Variants in PLEKHA2 observed in about 807,000 individuals in gnomAD.
The protein encoded by PLEKHA2 is pleckstrin homology domain containing A2, also known as pleckstrin homology domain-containing family A member 2.
Under a neutral mutation model 53.2 loss-of-function variants are expected in PLEKHA2, and 28 were observed. The ratio of observed to expected loss-of-function variants is 0.53; its 90% CI spans 0.39 to 0.72. The LOEUF is 0.72. Ranked by LOEUF, PLEKHA2 falls within the 30% of genes least tolerant of loss-of-function variation. PLEKHA2 has a pLI of 0.00. For synonymous variants in PLEKHA2, 193 were observed against 196.4 expected (o/e 0.98, Z 0.14); for missense variants, 426 against 537.9 (o/e 0.79, Z 2.06).
intron 10 of PLEKHA2, among the ~76,000 whole-genome samples, chr8:38,967,294 A>T (rs561078173): frequency 9.3e-4 from 142 of 152,306 alleles, no homozygotes; most frequent in African/African-American, 3.3e-3. Context: ...TCTTTAAAAA[A>T]TTTTTAAAGT....
chr8:38,938,818 T>A (rs1353992241), intron 3 of PLEKHA2, among the ~76,000 whole-genome samples: 2 of 152,132 alleles, frequency 1.3e-5, no homozygotes, highest in Non-Finnish European at 2.9e-5. Context: ...CTCACCCGCC[T>A]GCAGCCACGC....
chr8:38,925,435 A>C (rs1564117351), intron 2 of PLEKHA2, among the ~76,000 whole-genome samples: 1 of 152,232 alleles, frequency 6.6e-6, no homozygotes, highest in Non-Finnish European at 1.5e-5. Context: ...AGTAAACAGA[A>C]GCGTGAAACA....
At chr8:38,919,653 C>T (rs1283294243) in intron 2 of PLEKHA2, among the ~76,000 whole-genome samples, 5 of 152,208 alleles carry the variant, frequency 3.3e-5, no homozygotes, top group Non-Finnish European at 7.3e-5. Flanking sequence ...ATCTAGTGAT[C>T]TTGGGCATTT....
chr8:38,933,177 G>C (rs1037261750), intron 2 of PLEKHA2, among the ~76,000 whole-genome samples: 1 of 152,174 alleles, frequency 6.6e-6, no homozygotes, highest in Non-Finnish European at 1.5e-5. Flanking sequence ...GGGGTGAGGA[G>C]AGTGTGTTGT....
intron 10 of PLEKHA2, among the ~76,000 whole-genome samples, chr8:38,960,440 C>G (rs1035458497): frequency 6.6e-6 from 1 of 152,108 alleles, no homozygotes; most frequent in African/African-American, 2.4e-5. Context: ...GATCTCGCCA[C>G]TGCACTCCGG....
chr8:38,944,351 C>T (rs751181132), intron 4 of PLEKHA2, among the ~76,000 whole-genome samples: 32 of 151,912 alleles, frequency 2.1e-4, no homozygotes, highest in Non-Finnish European at 4.0e-4. Flanking sequence ...CCCATCTCTA[C>T]TAAAAATACA....
chr8:38,955,637 C>T (rs925055046), intron 9 of PLEKHA2, among the ~76,000 whole-genome samples: 12 of 152,340 alleles, frequency 7.9e-5, no homozygotes, highest in Admixed American at 6.5e-4. Context: ...GTTGTTCTTG[C>T]TCATGGATCT....
chr8:38,932,942 C>T (rs1834420872), intron 2 of PLEKHA2, among the ~76,000 whole-genome samples: 1 of 152,084 alleles, frequency 6.6e-6, no homozygotes, highest in African/African-American at 2.4e-5. Context: ...GGTCCCTGGG[C>T]CTGGAGAGTG....
chr8:38,965,742 C>T lies in PLEKHA2; in HGVS notation c.838-2850C>T, dbSNP rs111451914. On this transcript the variant is annotated intron_variant, in intron 10 of 11. Transcript: ENST00000617275. ...AGGTCTTCTTATGGAGAGGGCAATG[C>T]GCTTATCTGTAAATGGTGGCGTTTA... Among the ~76,000 whole-genome samples the T allele has an allele frequency of 3.4e-4, 51 of 152,166 alleles. 1 individual carries two copies. The highest frequency in any genetic ancestry group is 8.4e-4 in the African/African-American group (35 of 41,522).
intron 1 of PLEKHA2, among the ~76,000 whole-genome samples, chr8:38,903,297 G>T (rs1833821234): frequency 6.6e-6 from 1 of 152,234 alleles, no homozygotes; most frequent in South Asian, 2.1e-4. Context: ...GGTAATGGGA[G>T]CCTTGCTCAT....
chr8:38,954,959 G>A (rs539246466), intron 9 of PLEKHA2, among the ~76,000 whole-genome samples: 11 of 152,248 alleles, frequency 7.2e-5, no homozygotes, highest in South Asian at 2.1e-4. Context: ...GCTTGAACCC[G>A]GGAGGCGGAG....
chr8:38,918,013 G>A lies in PLEKHA2; in HGVS notation c.84G>A (p.Arg28=). The A allele has an allele frequency of 1.2e-6, 2 of 1,613,598 alleles. No individual in the cohort carries two copies. The highest frequency in any genetic ancestry group is 8.5e-7 in the Non-Finnish European group (1 of 1,179,686). The part of the protein sequence containing the change: ...EHENSGKFLR[R]YFILDTQANC... ...AGAACAGCGGCAAGTTTCTGCGGAG[G>A]TACTTCATTCTGGACACCCAGGCTA... Residue 28 remains arginine (R), a synonymous_variant, in exon 2 of 12, where the codon AGG becomes AGA. Coordinates refer to ENST00000617275, the MANE Select transcript of PLEKHA2 (RefSeq NM_021623.2).
chr8:38,922,645 C>T lies in PLEKHA2; in HGVS notation c.141+4575C>T, dbSNP rs766869223. Among the ~76,000 whole-genome samples, 2 of 152,294 alleles carry T rather than the reference C, an allele frequency of 1.3e-5. No homozygotes were observed. Among genetic ancestry groups the T allele is most frequent in the Middle Eastern group, 3.4e-3 (1 of 294 alleles). On this transcript the variant is annotated intron_variant, in intron 2 of 11. Coordinates refer to ENST00000617275, the MANE Select transcript of PLEKHA2 (RefSeq NM_021623.2). This position sits in a 1 kb window ranked among gnomAD's most constrained non-coding sequence, Gnocchi z 4.0. ...CAGAAGATTTTTGGACCCAGGTCTC[C>T]GATCTTTGTGTGTTGAAGCCACCTG...
chr8:38,935,117 G>A (rs1008224171), intron 2 of PLEKHA2, among the ~76,000 whole-genome samples: 3 of 152,102 alleles, frequency 2.0e-5, no homozygotes, highest in East Asian at 1.9e-4. Flanking sequence ...AGGTTCAAGC[G>A]ATTCTCCTGC....
chr8:38,939,147 G>A (rs746495213), intron 3 of PLEKHA2, among the ~76,000 whole-genome samples: 7 of 151,988 alleles, frequency 4.6e-5, no homozygotes, highest in East Asian at 3.9e-4. Context: ...CAGGTGATCC[G>A]CCTGCCTTGG....
intron 1 of PLEKHA2, among the ~76,000 whole-genome samples, chr8:38,914,883 C>T (rs373364609): frequency 8.2e-4 from 125 of 152,234 alleles, no homozygotes; most frequent in African/African-American, 2.8e-3. Context: ...GTTCCGGAGT[C>T]GGGGATAGTG....
intron 4 of PLEKHA2, among the ~76,000 whole-genome samples, chr8:38,945,116 T>C (rs769122979): frequency 6.6e-6 from 1 of 152,188 alleles, no homozygotes; most frequent in Non-Finnish European, 1.5e-5. Context: ...GGTCAGTGAA[T>C]TCAGTGAATC....
chr8:38,908,271 T>C (rs1833908265), intron 1 of PLEKHA2, among the ~76,000 whole-genome samples: 1 of 152,202 alleles, frequency 6.6e-6, no homozygotes, highest in Admixed American at 6.5e-5. Context: ...GCTCAGAGGA[T>C]GTTGCCATAC....
intron 2 of PLEKHA2, among the ~76,000 whole-genome samples, chr8:38,925,116 C>T (rs889111071): frequency 3.9e-5 from 6 of 152,156 alleles, no homozygotes; most frequent in African/African-American, 9.7e-5. Context: ...CGATGTAATA[C>T]AGCCAGTCTC....
Sources: gnomAD v4.1 joint callset for allele counts (sites outside exome capture counted in the v4.1 genomes callset) on GRCh38, gnomAD v4.1.1 for gene constraint, Gnocchi (gnomAD v3.1) non-coding constraint, MANE v1.5 for transcripts, NCBI Gene and HGNC (gene_info 2026-07-23, HGNC 2026-07-21) for gene names.